The following GFOD1 variants were observed in gnomAD, a reference collection of about 807,000 sequenced individuals.
The protein encoded by GFOD1 is glucose-fructose oxidoreductase domain-containing protein 1.
In GFOD1, 9 loss-of-function variants were observed where a neutral mutation model predicts 25.4. That is an observed-to-expected ratio of 0.35 (90% CI 0.21 to 0.62). The LOEUF (loss-of-function observed/expected upper bound fraction) is 0.62. GFOD1 is among the 20% of genes least tolerant of loss of function. GFOD1 has a pLI of 0.72. For synonymous variants in GFOD1, 253 were observed against 245.6 expected (o/e 1.03, Z -0.28); for missense variants, 403 against 556.9 (o/e 0.72, Z 2.78).
In GFOD1 at chr6:13,453,525, A is replaced by T. The variant is rs575512642; in HGVS notation, c.253+33113T>A. On this transcript the variant is annotated intron_variant, in intron 1 of 1. Coordinates refer to ENST00000379287, the MANE Select transcript of GFOD1 (RefSeq NM_018988.4). ...TATTGAGTCATTTGAAGATACATAA[A>T]TCTAAAAATTCAGGTGGCAATGTCC... Among the ~76,000 whole-genome samples, 105 of 152,364 alleles carry T rather than the reference A, an allele frequency of 6.9e-4. 1 individual carries two copies. The highest frequency in any genetic ancestry group is 2.3e-3 in the African/African-American group (95 of 41,584).
At chr6:13,418,317 C>T (rs1022253868) in intron 1 of GFOD1, among the ~76,000 whole-genome samples, 3 of 152,192 alleles carry the variant, frequency 2.0e-5, no homozygotes, top group Non-Finnish European at 4.4e-5. Context: ...GGGGAATTGT[C>T]CCATTCTCAT....
intron 1 of GFOD1, among the ~76,000 whole-genome samples, chr6:13,462,984 G>A (rs1015775940): frequency 2.0e-5 from 3 of 152,182 alleles, no homozygotes; most frequent in Admixed American, 6.5e-5. Flanking sequence ...AGCGAAGATG[G>A]GCTGCTAAGA....
At chr6:13,468,497 T>C (rs1394700795) in intron 1 of GFOD1, among the ~76,000 whole-genome samples, 1 of 152,206 alleles carries the variant, frequency 6.6e-6, no homozygotes, top group Admixed American at 6.5e-5. Flanking sequence ...GTTATTTCCT[T>C]CAGAAACTTC....
In GFOD1 at chr6:13,362,281, T is replaced by C. The variant is rs553919343; in HGVS notation, c.*2462A>G. The C allele has an allele frequency of 6.6e-5, 10 of 151,816 alleles. No homozygotes were observed. The highest frequency in any genetic ancestry group is 1.5e-4 in the Non-Finnish European group (10 of 67,944). The allele number at this position is 151,816 out of a possible 1,614,324, so 9.4% of individuals were successfully genotyped here. A position where few individuals can be genotyped will look rare whatever the true frequency, so the allele number is the denominator to read the frequency against. On this transcript the variant is annotated 3_prime_UTR_variant, in exon 2 of 2. Coordinates refer to ENST00000379287, the MANE Select transcript of GFOD1 (RefSeq NM_018988.4). The stretch of plus-strand genomic sequence containing the variant: ...ATCGAGACCATGCTGGCTAATACAG[T>C]GAAACCCCGTCTCTACTAAAAATAC...
At chr6:13,443,864 C>T (rs1757957901) in intron 1 of GFOD1, among the ~76,000 whole-genome samples, 1 of 149,562 alleles carries the variant, frequency 6.7e-6, no homozygotes, top group Non-Finnish European at 1.5e-5. Context: ...CAACCTTCAG[C>T]AACCAGCACC....
chr6:13,468,550 C>G (rs1251355635), intron 1 of GFOD1, among the ~76,000 whole-genome samples: 1 of 152,182 alleles, frequency 6.6e-6, no homozygotes, highest in Non-Finnish European at 1.5e-5. Context: ...TGGAAAAGCA[C>G]AGTTCCCCAG....
At chr6:13,394,466 AT>A (rs70989855) in intron 1 of GFOD1, among the ~76,000 whole-genome samples, 1,496 of 75,834 alleles carry the variant, frequency 0.02, 15 homozygotes, top group African/African-American at 0.073. Flanking sequence ...TACCCTTTGA[AT>A]TTTTTTTTTT....
chr6:13,444,118 A>T (rs114805466), intron 1 of GFOD1, among the ~76,000 whole-genome samples: 5,701 of 152,264 alleles, frequency 0.037, 329 homozygotes, highest in African/African-American at 0.12. Context: ...TAAATGCTCA[A>T]CAATGGCAGA....
chr6:13,428,512 TG>T (rs1757684975), intron 1 of GFOD1, among the ~76,000 whole-genome samples: 3 of 51,068 alleles, frequency 5.9e-5, no homozygotes, highest in Non-Finnish European at 3.5e-4. Flanking sequence ...CCCAGTGCGA[TG>T]CGATGCGCTG....
intron 1 of GFOD1, among the ~76,000 whole-genome samples, chr6:13,459,672 A>C (rs1284152781): frequency 6.6e-6 from 1 of 152,218 alleles, no homozygotes; most frequent in South Asian, 2.1e-4. Context: ...AAACAACCCC[A>C]TCAAAAAGTA....
At chr6:13,416,774 C>G (rs1462655482) in intron 1 of GFOD1, among the ~76,000 whole-genome samples, 1 of 152,222 alleles carries the variant, frequency 6.6e-6, no homozygotes, top group South Asian at 2.1e-4. Context: ...ATCGAGCACT[C>G]ACTGTGTGCT....
At chr6:13,446,524 C>T (rs764965807) in intron 1 of GFOD1, among the ~76,000 whole-genome samples, 6 of 152,096 alleles carry the variant, frequency 3.9e-5, no homozygotes, top group East Asian at 1.9e-4. Context: ...ATGGTGAAGC[C>T]GGGAGAGTCT....
At chr6:13,486,359 C>A in intron 1 of GFOD1, 2 of 513,348 alleles carry the variant, frequency 3.9e-6, no homozygotes, top group Non-Finnish European at 3.5e-6. Context: ...CTTCCTAGTT[C>A]GGATCCCCGG....
At chr6:13,434,714 C>T (rs1757807322) in intron 1 of GFOD1, among the ~76,000 whole-genome samples, 1 of 152,114 alleles carries the variant, frequency 6.6e-6, no homozygotes, top group African/African-American at 2.4e-5. Context: ...CATAAAAGAC[C>T]AGTAAAAATC....
rs186426685 is a variant in GFOD1 at position 13,417,221 on chromosome 6, T to C, written c.254-51559A>G. On this transcript the variant is annotated intron_variant, in intron 1 of 1. Coordinates refer to ENST00000379287, the MANE Select transcript of GFOD1 (RefSeq NM_018988.4). ...CAGGCTGGAGTGCAGTGGCGCGATCTGGGCTCACTGCAAGCTCCGCTTCCC... is the reference window on the plus strand; with the variant it reads ...CAGGCTGGAGTGCAGTGGCGCGATCCGGGCTCACTGCAAGCTCCGCTTCCC... Among the ~76,000 whole-genome samples, 1,295 of 152,326 alleles carry C rather than the reference T, an allele frequency of 8.5e-3. 20 individuals are homozygous for C. Among genetic ancestry groups the C allele is most frequent in the African/African-American group, 0.03 (1,238 of 41,564 alleles).
At chr6:13,449,678 G>A (rs1758061740) in intron 1 of GFOD1, among the ~76,000 whole-genome samples, 1 of 152,152 alleles carries the variant, frequency 6.6e-6, no homozygotes, top group Non-Finnish European at 1.5e-5. Context: ...CACAAGATCT[G>A]ATAGTTTTAT....
At chr6:13,436,334 T>C (rs1001689664) in intron 1 of GFOD1, among the ~76,000 whole-genome samples, 5 of 152,378 alleles carry the variant, frequency 3.3e-5, no homozygotes, top group African/African-American at 9.6e-5. Flanking sequence ...ATTAAGTTTT[T>C]CCCTTGCCAA....
chr6:13,479,793 C>T (rs577161676), intron 1 of GFOD1, among the ~76,000 whole-genome samples: 1 of 152,324 alleles, frequency 6.6e-6, no homozygotes, highest in East Asian at 1.9e-4. Flanking sequence ...TGCCCAAGGG[C>T]TTCCTCGGCT....
intron 1 of GFOD1, among the ~76,000 whole-genome samples, chr6:13,458,940 G>A (rs984421222): frequency 6.6e-6 from 1 of 152,092 alleles, no homozygotes; most frequent in Non-Finnish European, 1.5e-5. Flanking sequence ...AAGAAGAAAG[G>A]CACATGCAGA....
Sources: gnomAD v4.1 joint callset for allele counts (sites outside exome capture counted in the v4.1 genomes callset) on GRCh38, gnomAD v4.1.1 for gene constraint, MANE v1.5 for transcripts, NCBI Gene and HGNC (gene_info 2026-07-23, HGNC 2026-07-21) for gene names.